The following DRC9 variants were observed in gnomAD, a reference collection of about 807,000 sequenced individuals.
DRC9 encodes the protein dynein regulatory complex protein 9.
At chr3:197,926,524 G>C in the DRC9 span, among the ~76,000 whole-genome samples, 169 of 152,240 alleles carry the variant, frequency 1.1e-3, 2 homozygotes, top group East Asian at 0.029. Context: ...GAGAAAATGC[G>C]GTGTAGACAG....
At chr3:197,903,493 G>A in the DRC9 span, among the ~76,000 whole-genome samples, 10 of 151,904 alleles carry the variant, frequency 6.6e-5, no homozygotes, top group Non-Finnish European at 1.0e-4. Context: ...AAAATTAGCC[G>A]GGCATGGCAG....
At chr3:197,953,424 A>G in the DRC9 span, 2 of 456,622 alleles carry the variant, frequency 4.4e-6, no homozygotes, top group Non-Finnish European at 8.8e-6. Context: ...TGCTCGAACC[A>G]CAGTAGTTTC....
the DRC9 span, chr3:197,959,918 A>T: frequency 2.3e-6 from 1 of 433,028 alleles, no homozygotes; most frequent in Non-Finnish European, 4.2e-6. Flanking sequence ...GGCACCTAGT[A>T]GGTGCATGTC....
At chr3:197,946,340 CAGG>C in the DRC9 span, among the ~76,000 whole-genome samples, 1 of 145,510 alleles carries the variant, frequency 6.9e-6, no homozygotes, top group African/African-American at 2.6e-5. Flanking sequence ...GAGGCTGAGG[CAGG>C]AGAATGGCGT....
the DRC9 span, chr3:197,957,548 C>G: frequency 6.6e-6 from 1 of 151,944 alleles, no homozygotes; most frequent in Non-Finnish European, 1.5e-5. Context: ...CGCTCCGCCT[C>G]CCGGGTTCAC....
the DRC9 span, chr3:197,956,840 G>A: frequency 7.2e-5 from 11 of 152,210 alleles, no homozygotes; most frequent in Non-Finnish European, 1.2e-4. Context: ...TGTTGCCCAG[G>A]TAGTACTACA....
chr3:197,929,727 T>C, the DRC9 span, among the ~76,000 whole-genome samples: 1 of 151,890 alleles, frequency 6.6e-6, no homozygotes, highest in Non-Finnish European at 1.5e-5. The surrounding 1 kb of genome is among the most constrained non-coding windows in gnomAD (Gnocchi z 4.6). Flanking sequence ...GCTATGATCA[T>C]GCCACTGCAC....
the DRC9 span, chr3:197,945,633 T>C: frequency 1.5e-5 from 23 of 1,585,002 alleles, no homozygotes; most frequent in South Asian, 4.6e-5. Flanking sequence ...TCCATTCTTC[T>C]GTAGCTTCGT....
the DRC9 span, chr3:197,950,647 T>C: frequency 2.1e-6 from 1 of 484,654 alleles, no homozygotes; most frequent in Non-Finnish European, 3.7e-6. Context: ...GAGTGTTGCC[T>C]ACTGATAACG....
chr3:197,896,231 T>G, the DRC9 span, among the ~76,000 whole-genome samples: 8 of 151,574 alleles, frequency 5.3e-5, no homozygotes, highest in Non-Finnish European at 1.2e-4. Context: ...TAATCCCAGC[T>G]ACTTTGGAGG....
chr3:197,936,122 C>G, the DRC9 span, among the ~76,000 whole-genome samples: 2 of 151,580 alleles, frequency 1.3e-5, no homozygotes, highest in Non-Finnish European at 2.9e-5. Context: ...CAGGATTGTA[C>G]CATTGTACTC....
the DRC9 span, chr3:197,957,305 C>G: frequency 7.9e-5 from 12 of 152,276 alleles, no homozygotes; most frequent in African/African-American, 2.9e-4. Flanking sequence ...CGCCCTCCCC[C>G]AGAGGTCCCT....
the DRC9 span, among the ~76,000 whole-genome samples, chr3:197,940,772 T>C: frequency 4.6e-5 from 7 of 152,224 alleles, no homozygotes; most frequent in African/African-American, 1.4e-4. Context: ...TTAAAAGATA[T>C]GAAGCTAACA....
At chr3:197,941,343 CTGTCTCTTTCTTTCCCTTCCTT>C in the DRC9 span, among the ~76,000 whole-genome samples, 4 of 69,700 alleles carry the variant, frequency 5.7e-5, no homozygotes, top group African/African-American at 4.8e-4. Context: ...TCTCTCCCCT[CTGTCTCTTTCTTTCCCTTCCTT>C]CCTTCCTCCC....
At chr3:197,896,761 G>A in the DRC9 span, among the ~76,000 whole-genome samples, 1 of 152,144 alleles carries the variant, frequency 6.6e-6, no homozygotes, top group Non-Finnish European at 1.5e-5. Flanking sequence ...TTTTTTAAGG[G>A]CACTAATCTT....
the DRC9 span, chr3:197,960,075 A>G: frequency 7.6e-6 from 5 of 660,758 alleles, no homozygotes; most frequent in South Asian, 4.0e-5. Flanking sequence ...GACGCGATGG[A>G]CGTGATCGCC....
the DRC9 span, among the ~76,000 whole-genome samples, chr3:197,923,467 A>G: frequency 6.6e-6 from 1 of 152,130 alleles, no homozygotes; most frequent in African/African-American, 2.4e-5. Context: ...AGTGGTTCAC[A>G]CCTATCATCC....
At chr3:197,924,751 C>T in the DRC9 span, among the ~76,000 whole-genome samples, 2 of 152,106 alleles carry the variant, frequency 1.3e-5, no homozygotes, top group Admixed American at 6.6e-5. Flanking sequence ...ATCTCTTAAC[C>T]TCGTGATCCG....
At chr3:197,952,162 G>GGTTT in the DRC9 span, among the ~76,000 whole-genome samples, 5 of 83,860 alleles carry the variant, frequency 6.0e-5, no homozygotes, top group African/African-American at 2.1e-4. Context: ...AAAATTATGG[G>GGTTT]TTTTTTTTTT....
Sources: allele counts gnomAD v4.1 joint callset (sites outside exome capture counted in the v4.1 genomes callset), GRCh38; gene constraint gnomAD v4.1.1; non-coding constraint Gnocchi (gnomAD v3.1); transcripts MANE v1.5; gene names NCBI Gene and HGNC (gene_info 2026-07-23, HGNC 2026-07-21).